SLC25A24: variants seen among roughly 807,000 people sequenced by gnomAD.
SLC25A24 encodes solute carrier family 25 member 24.
In SLC25A24, 49 loss-of-function variants were observed where a neutral mutation model predicts 60.7. The observed-to-expected ratio is 0.81, with a 90% CI of 0.64 to 1.02. The LOEUF is 1.02. SLC25A24 is among the 50% of genes least tolerant of loss of function. The pLI, the probability that SLC25A24 is intolerant of heterozygous loss-of-function variation, is 0.00. For missense variants in SLC25A24, 564 were observed against 586.3 expected, an observed-to-expected ratio of 0.96 and a Z score of 0.39; for synonymous variants, 202 against 200.6, an observed-to-expected ratio of 1.01 and a Z score of -0.06.
intron 3 of SLC25A24, among the ~76,000 whole-genome samples, chr1:108,163,554 G>A (rs1273862154): frequency 2.6e-5 from 4 of 152,162 alleles, no homozygotes; most frequent in Admixed American, 6.5e-5. Context: ...TCTCTTTGTA[G>A]CAATTGTGAA....
At chr1:108,184,410 A>G (rs1648047902) in intron 2 of SLC25A24, among the ~76,000 whole-genome samples, 1 of 152,242 alleles carries the variant, frequency 6.6e-6, no homozygotes, top group Admixed American at 6.5e-5. Context: ...CTAAGGCTAG[A>G]CTTAGGGGCA....
chr1:108,174,395 G>A (rs189757643), intron 3 of SLC25A24, among the ~76,000 whole-genome samples: 2 of 152,326 alleles, frequency 1.3e-5, no homozygotes, highest in African/African-American at 4.8e-5. Flanking sequence ...CAGAAGATAA[G>A]AATTAAGGTT....
rs1408305080 is a variant in SLC25A24, at chr1:108,194,597, T to C, written c.183+5359A>G. 3.6e-5 allele frequency among the ~76,000 whole-genome samples: 4 copies of C among 110,698 alleles called. 1 individual carries two copies. Among genetic ancestry groups the C allele is most frequent in the Admixed American group, 2.4e-4 (2 of 8,228 alleles). The allele number at this position is 110,698 out of a possible 152,430, so 72.6% of individuals were successfully genotyped here. ...ATCTAATAAAAGGCAGGTAGTTTTG[T>C]TGAATAGCTCTTTCTGCTTTTTGAA... is the stretch of plus-strand genomic sequence containing the variant. On this transcript the variant is annotated intron_variant, in intron 1 of 9. Transcript: ENST00000565488.
intron 7 of SLC25A24, among the ~76,000 whole-genome samples, chr1:108,146,202 T>G (rs1679584393): frequency 6.6e-6 from 1 of 152,222 alleles, no homozygotes; most frequent in African/African-American, 2.4e-5. Context: ...CACTCGTGAT[T>G]TGGCTCTCTG....
intron 5 of SLC25A24, among the ~76,000 whole-genome samples, chr1:108,155,981 A>ACT (rs1679887614): frequency 7.9e-6 from 1 of 126,672 alleles, no homozygotes; most frequent in Admixed American, 7.6e-5. Context: ...ACACACACAC[A>ACT]CACTCACAGA....
rs1342087792 is a variant in SLC25A24, at chr1:108,159,276, C to CAG, written c.511-1658_511-1657dup. On this transcript the variant is annotated intron_variant, in intron 4 of 9. Transcript: ENST00000565488. ...AACATAATCTGACCAAACAAGGACACAGATCCTTAGCAACCATGAGGTGCT... is the reference window on the plus strand; with the variant it reads ...AACATAATCTGACCAAACAAGGACACAGAGATCCTTAGCAACCATGAGGTGCT... Among the ~76,000 whole-genome samples the CAG allele has an allele frequency of 2.6e-5, 4 of 152,272 alleles. No individual in the cohort carries two copies. The East Asian group carries it at 7.7e-4, about 29-fold the overall frequency.
At chr1:108,176,435 T>C (rs557057380) in intron 3 of SLC25A24, among the ~76,000 whole-genome samples, 3 of 151,836 alleles carry the variant, frequency 2.0e-5, no homozygotes, top group East Asian at 1.9e-4. Flanking sequence ...AAAAGGAAGA[T>C]AAAAGGGGTA....
Position 108,181,965 on chromosome 1 carries a change from T to A in SLC25A24, c.374A>T (p.Gln125Leu). ...LQTLGLTISE[Q>L]QAELILQSID... is the part of the protein sequence containing the mutation. ...CCTTTGAAGAATCAACTCTGCTTGT[T>A]GTTCAGAAATAGTCAGACCCAGTGT... Residue 125 changes from glutamine to leucine, a missense_variant, in exon 3 of 10, where the codon CAA becomes CTA. Transcript: ENST00000565488. 1 of 1,612,284 alleles carries A rather than the reference T, an allele frequency of 6.2e-7. No individual in the cohort carries two copies. Among genetic ancestry groups the A allele is most frequent in the Non-Finnish European group, 8.5e-7 (1 of 1,178,760 alleles).
chr1:108,160,944 G>A (rs1253848691), intron 4 of SLC25A24, among the ~76,000 whole-genome samples: 3 of 152,122 alleles, frequency 2.0e-5, no homozygotes, highest in Non-Finnish European at 4.4e-5. Context: ...ACCGTGGAAA[G>A]AGAGGGAGAG....
intron 3 of SLC25A24, among the ~76,000 whole-genome samples, chr1:108,179,466 T>G (rs771665362): frequency 1.3e-5 from 2 of 152,192 alleles, no homozygotes; most frequent in African/African-American, 2.4e-5. Flanking sequence ...TGCATTCCCA[T>G]GTTCATTATA....
intron 3 of SLC25A24, among the ~76,000 whole-genome samples, chr1:108,161,903 C>G (rs939608007): frequency 3.3e-5 from 5 of 150,876 alleles, no homozygotes; most frequent in African/African-American, 9.7e-5. Flanking sequence ...CCCACTAACT[C>G]GTCATCTAGC....
At chr1:108,195,486 G>A (rs1648466337) in intron 1 of SLC25A24, among the ~76,000 whole-genome samples, 1 of 152,158 alleles carries the variant, frequency 6.6e-6, no homozygotes, top group South Asian at 2.1e-4. Flanking sequence ...TATTTCTGCA[G>A]AGAAGGATAA....
chr1:108,161,322 C>T (rs375337696), intron 3 of SLC25A24, 29 bp from the exon 4 acceptor site: 9 of 1,135,290 alleles, frequency 7.9e-6, no homozygotes, highest in African/African-American at 7.7e-5. Flanking sequence ...GATCAAAGTA[C>T]AAAACTAAAT....
chr1:108,160,391 G>A (rs1199717616), intron 4 of SLC25A24, among the ~76,000 whole-genome samples: 3 of 150,762 alleles, frequency 2.0e-5, no homozygotes, highest in Admixed American at 1.3e-4. Context: ...CATCCCAGAC[G>A]ATGGGCGGCC....
chr1:108,187,923 T>TATAGATAGATAG (rs918964442), intron 1 of SLC25A24, among the ~76,000 whole-genome samples: 1 of 77,130 alleles, frequency 1.3e-5, no homozygotes, highest in African/African-American at 5.5e-5. Context: ...GATAAGACAT[T>TATAGATAGATAG]ATAGATATAT....
At position 108,200,312 on chromosome 1, in the gene SLC25A24, C is replaced by G; in HGVS notation, c.-174G>C. 2.2e-6 allele frequency: 1 copy of G among 445,580 alleles called. No homozygotes were observed. The allele number at this position is 445,580 out of a possible 1,614,324, so 27.6% of individuals were successfully genotyped here. A position where few individuals can be genotyped will look rare whatever the true frequency, so the allele number is the denominator to read the frequency against. The stretch of plus-strand genomic sequence containing the variant: ...AGGGCGCAGGGCGCAGGAGCGGAGA[C>G]CCCACCCGAGCCCGCGCGGAGCGCA... On this transcript the variant is annotated 5_prime_UTR_variant, in exon 1 of 10. Coordinates refer to ENST00000565488, the MANE Select transcript of SLC25A24 (RefSeq NM_013386.5).
chr1:108,161,121 G>A (rs1476734569), intron 4 of SLC25A24, 61 bp downstream of exon 4: 5 of 906,020 alleles, frequency 5.5e-6, no homozygotes, highest in Non-Finnish European at 9.0e-6. Flanking sequence ...GTGTTCTTGG[G>A]TGATAACTGT....
intron 3 of SLC25A24, among the ~76,000 whole-genome samples, chr1:108,163,744 C>T (rs1169009037): frequency 3.3e-5 from 5 of 151,832 alleles, no homozygotes; most frequent in African/African-American, 9.7e-5. Context: ...CAAACAGGGA[C>T]AATTTGACTT....
At chr1:108,170,194 T>C (rs1166453675) in intron 3 of SLC25A24, among the ~76,000 whole-genome samples, 2 of 152,192 alleles carry the variant, frequency 1.3e-5, no homozygotes, top group Non-Finnish European at 2.9e-5. Context: ...AGTCAACGTG[T>C]CCTTGAATTT....
Sources: gnomAD v4.1 joint callset for allele counts (sites outside exome capture counted in the v4.1 genomes callset) on GRCh38, gnomAD v4.1.1 for gene constraint, MANE v1.5 for transcripts, NCBI Gene and HGNC (gene_info 2026-07-23, HGNC 2026-07-21) for gene names.